The following ZFR2 variants were observed in gnomAD, a reference collection of about 807,000 sequenced individuals.
The protein encoded by ZFR2 is zinc finger RNA-binding protein 2.
In ZFR2, 104 loss-of-function variants were observed where a neutral mutation model predicts 105.7. The ratio of observed to expected loss-of-function variants is 0.98; its 90% CI spans 0.84 to 1.16. ZFR2 has a LOEUF of 1.16. Among genes scored for constraint, ZFR2 ranks in the 50% most tolerant of loss-of-function variants. ZFR2 has a pLI of 0.00. For synonymous variants in ZFR2, 634 were observed against 597.7 expected (o/e 1.06, Z -0.89); for missense variants, 1,425 against 1,355.5 (o/e 1.05, Z -0.80).
intron 17 of ZFR2, 132 bp from the exon 18 acceptor site, chr19:3,807,401 C>T: frequency 1.5e-6 from 1 of 652,156 alleles, no homozygotes; most frequent in Non-Finnish European, 2.6e-6. Context: ...CGTGGCACCT[C>T]TGACCCTCAG....
At chr19:3,868,191 T>A (rs1280302770) in intron 1 of ZFR2, among the ~76,000 whole-genome samples, 1 of 149,354 alleles carries the variant, frequency 6.7e-6, no homozygotes, top group Non-Finnish European at 1.5e-5. Flanking sequence ...CAGGTTTCTG[T>A]CTTCTCTCTT....
chr19:3,827,424 G>T, intron 6 of ZFR2, 47 bp downstream of exon 6: 8 of 1,470,986 alleles, frequency 5.4e-6, no homozygotes, highest in Non-Finnish European at 7.2e-6. Context: ...GCTGACCTGG[G>T]GGCCTTCTCC....
At chr19:3,862,983 T>C (rs1455559704) in intron 1 of ZFR2, among the ~76,000 whole-genome samples, 1 of 152,208 alleles carries the variant, frequency 6.6e-6, no homozygotes, top group Non-Finnish European at 1.5e-5. Context: ...TGGGGCTTTT[T>C]GGACCTGGTG....
At chr19:3,806,194 G>A in intron 18 of ZFR2, 69 bp from the exon 19 acceptor site, 3 of 1,382,038 alleles carry the variant, frequency 2.2e-6, no homozygotes, top group African/African-American at 1.5e-5. Flanking sequence ...GACACAGAGG[G>A]GCTGGTGTCT....
At chr19:3,855,051 T>G (rs1237318748) in intron 1 of ZFR2, among the ~76,000 whole-genome samples, 2 of 152,150 alleles carry the variant, frequency 1.3e-5, no homozygotes, top group East Asian at 3.9e-4. Context: ...TGAGCCACTG[T>G]GCCCAGCTAA....
chr19:3,837,422 T>C (rs35519929), intron 1 of ZFR2, among the ~76,000 whole-genome samples: 73,577 of 148,516 alleles, frequency 0.5, 17,868 homozygotes, highest in East Asian at 0.55. Flanking sequence ...CTGTGGAACT[T>C]GATGAACACC....
rs1599227880 is a variant in ZFR2, at chr19:3,820,929, T to C, written c.1631+411A>G. On this transcript the variant is annotated intron_variant, in intron 10 of 18. Coordinates refer to ENST00000262961, the MANE Select transcript of ZFR2 (RefSeq NM_015174.2). ...TCGGGGGACACAGGGACACCGGGGG[T>C]CGGGGGACACAGGGACACTAGAGGT... Among the ~76,000 whole-genome samples the C allele has an allele frequency of 3.1e-5, 2 of 64,084 alleles. 1 individual carries two copies. 42.0% of individuals were successfully genotyped at this position (64,084 alleles called of 152,430 possible). A position where few individuals can be genotyped will look rare whatever the true frequency, so the allele number is the denominator to read the frequency against.
chr19:3,854,294 G>A (rs1452508662), intron 1 of ZFR2, among the ~76,000 whole-genome samples: 1 of 151,986 alleles, frequency 6.6e-6, no homozygotes, highest in African/African-American at 2.4e-5. Context: ...TCCGGAGGCT[G>A]AGGTAGGAGA....
chr19:3,821,989 C>A (rs910226451), intron 9 of ZFR2, 92 bp downstream of exon 9: 16 of 1,474,892 alleles, frequency 1.1e-5, no homozygotes, highest in African/African-American at 2.8e-5. Flanking sequence ...TCGGATCACA[C>A]GCGCGGAAGA....
chr19:3,827,891 G>A (rs1485734206), intron 5 of ZFR2, among the ~76,000 whole-genome samples: 5 of 152,096 alleles, frequency 3.3e-5, no homozygotes, highest in Non-Finnish European at 5.9e-5. Context: ...CACGATCTCA[G>A]CTCACTGCAA....
At position 3,805,776 on chromosome 19, in the gene ZFR2, CATGAGCCACAGTGCCCGGT is replaced by C. The variant is rs1336356399; in HGVS notation, c.*154_*172del. 5.4e-6 allele frequency: 4 copies of C among 745,802 alleles called. No individual in the cohort carries two copies. In the Admixed American group the frequency reaches 1.5e-4, roughly 28 times the overall value. The allele number at this position is 745,802 out of a possible 1,614,324, so 46.2% of individuals were successfully genotyped here. On this transcript the variant is annotated 3_prime_UTR_variant, in exon 19 of 19. Coordinates refer to ENST00000262961, the MANE Select transcript of ZFR2 (RefSeq NM_015174.2). ...CCTCCCAAAGTGCTGGGATTAAAGG[CATGAGCCACAGTGCCCGGT>C]CTGAAGCACAGGTGTTTTAAAGGAA...
At chr19:3,839,394 G>C (rs147039296) in intron 1 of ZFR2, among the ~76,000 whole-genome samples, 1,914 of 151,884 alleles carry the variant, frequency 0.013, 69 homozygotes, top group Admixed American at 0.072. Context: ...CTAGCCCAGT[G>C]TGGTGGTGGG....
chr19:3,821,343 C>T lies in ZFR2; in HGVS notation c.1628G>A (p.Arg543Lys), dbSNP rs748129987. Residue 543 changes from arginine to lysine, a missense_variant, in exon 10 of 19, where the codon AGG becomes AAG. By Grantham distance (26) the Arg-to-Lys change is conservative. Transcript: ENST00000262961. ...GCCAAGACCCGCAGCCGGGCACCTC[C>T]TCTCCGCGTGCCAGCGCCGCAGCTG... The part of the protein sequence containing the change: ...LEQLRRWHAE[R>K]RRLEEEPPQD... 6.3e-7 allele frequency: 1 copy of T among 1,592,808 alleles called. No individual in the cohort carries two copies. The highest frequency in any genetic ancestry group is 8.5e-7 in the Non-Finnish European group (1 of 1,172,052).
At chr19:3,824,063 G>A (rs1262752425) in intron 7 of ZFR2, among the ~76,000 whole-genome samples, 2 of 152,182 alleles carry the variant, frequency 1.3e-5, no homozygotes, top group African/African-American at 2.4e-5. Flanking sequence ...GCGGGAGGCC[G>A]AGTTGGGAGG....
At chr19:3,860,499 G>A (rs1163837387) in intron 1 of ZFR2, among the ~76,000 whole-genome samples, 2 of 152,176 alleles carry the variant, frequency 1.3e-5, no homozygotes, top group South Asian at 2.1e-4. Flanking sequence ...CCTGGGCGTC[G>A]AGTTTCCCGA....
chr19:3,852,467 G>T (rs1203533688), intron 1 of ZFR2: 2 of 718,530 alleles, frequency 2.8e-6, no homozygotes, highest in Non-Finnish European at 5.2e-6. Context: ...ACCAGGCAGG[G>T]TCCCATAAGA....
At chr19:3,847,109 T>C (rs2038192149) in intron 1 of ZFR2, among the ~76,000 whole-genome samples, 1 of 152,118 alleles carries the variant, frequency 6.6e-6, no homozygotes, top group South Asian at 2.1e-4. Context: ...ACGGCTTGAG[T>C]GTCCTCACAA....
At chr19:3,811,043 G>A (rs1044107800) in intron 15 of ZFR2, among the ~76,000 whole-genome samples, 198 bp from the exon 16 acceptor site, 9 of 152,186 alleles carry the variant, frequency 5.9e-5, no homozygotes, top group African/African-American at 1.9e-4. Flanking sequence ...AGACGGCAGC[G>A]TCCCCACCCC....
chr19:3,822,127 G>C lies in ZFR2; in HGVS notation c.1445C>G (p.Ala482Gly), dbSNP rs780326789. Residue 482 changes from alanine (A) to glycine (G), a missense_variant, in exon 9 of 19, where the codon GCG (alanine) becomes GGG (glycine). Transcript: ENST00000262961. The part of the protein sequence containing the change: ...LCECSFNDLN[A>G]KDLHVRGRRH... ...CCGCCCCCTCACGTGCAGGTCCTTCGCGTTAAGGTCGTTGAAACTGCACTC... is the reference window on the plus strand; with the variant it reads ...CCGCCCCCTCACGTGCAGGTCCTTCCCGTTAAGGTCGTTGAAACTGCACTC... The C allele has an allele frequency of 1.2e-6, 2 of 1,610,310 alleles. No homozygotes were observed. The highest frequency in any genetic ancestry group is 4.5e-5 in the East Asian group (2 of 44,740).
Sources: allele counts gnomAD v4.1 joint callset (sites outside exome capture counted in the v4.1 genomes callset), GRCh38; gene constraint gnomAD v4.1.1; transcripts MANE v1.5; gene names NCBI Gene and HGNC (gene_info 2026-07-23, HGNC 2026-07-21).